AP3B2: variants seen among roughly 807,000 people sequenced by gnomAD.
AP3B2 encodes adaptor related protein complex 3 subunit beta 2.
AP3B2 carries 50 observed loss-of-function variants against 126.9 expected under a neutral mutation model. That is an observed-to-expected ratio of 0.39 (90% CI 0.31 to 0.50). The LOEUF (loss-of-function observed/expected upper bound fraction) is 0.50. Ranked by LOEUF, AP3B2 falls within the 20% of genes least tolerant of loss-of-function variation. The pLI, the probability that AP3B2 is intolerant of heterozygous loss-of-function variation, is 0.79. For missense variants in AP3B2, 1,177 were observed against 1,426.4 expected (o/e 0.83, Z 2.82); for synonymous variants, 541 against 565.0 (o/e 0.96, Z 0.60).
intron 14 of AP3B2, among the ~76,000 whole-genome samples, chr15:82,671,101 A>T (rs6422424): frequency 6.6e-6 from 1 of 151,922 alleles, no homozygotes; most frequent in Non-Finnish European, 1.5e-5. Context: ...TGACCAACAC[A>T]GCGAAACCCC....
At position 82,692,622 on chromosome 15, in the gene AP3B2, G is replaced by C. The variant is rs1311667088; in HGVS notation, c.114-3169C>G. The C allele has an allele frequency of 2.5e-5, 4 of 160,856 alleles. No individual in the cohort carries two copies. The Admixed American group carries it at 2.6e-4, about 10-fold the overall frequency. The allele number at this position is 160,856 out of a possible 1,614,324, so 10.0% of individuals were successfully genotyped here. A position where few individuals can be genotyped will look rare whatever the true frequency, so the allele number is the denominator to read the frequency against. ...GGAAAAGAGGTAGATGCCAAAACAA[G>C]AGCAGGGTGCCCTTGCCCTGCCTCC... On this transcript the variant is annotated intron_variant, in intron 1 of 26. Transcript: ENST00000535359.
intron 4 of AP3B2, among the ~76,000 whole-genome samples, chr15:82,682,708 G>A (rs1361659120): frequency 6.7e-6 from 1 of 149,644 alleles, no homozygotes; most frequent in African/African-American, 2.5e-5. Context: ...GCAACAGAGT[G>A]AGATCCTATC....
chr15:82,663,602 C>G lies in AP3B2; in HGVS notation c.2455G>C (p.Ala819Pro). 1 of 1,613,900 alleles carries G rather than the reference C, an allele frequency of 6.2e-7. No homozygotes were observed. Among genetic ancestry groups the G allele is most frequent in the African/African-American group, 1.3e-5 (1 of 75,042 alleles). Residue 819 changes from alanine to proline, a missense_variant, in exon 21 of 27, where the codon GCT becomes CCT. By Grantham distance (27) the Ala-to-Pro change is conservative. Around this residue, in one of 5 missense-constraint regions of AP3B2, gnomAD observed 587 missense variants for 571.3 expected, o/e 1.03. Transcript: ENST00000535359. ...AGGGAGATCTCCTTGGTTGCAGGAGCACTTTTGCTGCTGGGAGGCTGAAAG... is the reference window on the plus strand; with the variant it reads ...AGGGAGATCTCCTTGGTTGCAGGAGGACTTTTGCTGCTGGGAGGCTGAAAG... ...SRKTPPSSKS[A>P]PATKEISLLD... is the part of the protein sequence containing the mutation.
chr15:82,667,005 T>C (rs1385607593), intron 14 of AP3B2, 72 bp from the exon 15 acceptor site: 1 of 1,472,506 alleles, frequency 6.8e-7, no homozygotes, highest in Non-Finnish European at 9.3e-7. Flanking sequence ...ACAGATTCTT[T>C]AAGCCGACAC....
rs1367776753 is a variant in AP3B2 at position 82,665,353 on chromosome 15, G to T, written c.1972-50C>A. 6.3e-7 allele frequency: 1 copy of T among 1,578,862 alleles called. No individual in the cohort carries two copies. Among genetic ancestry groups the T allele is most frequent in the Admixed American group, 1.7e-5 (1 of 59,020 alleles). On this transcript the variant is annotated intron_variant, in intron 16 of 26. Transcript: ENST00000535359. This position sits in a 1 kb window ranked among gnomAD's most constrained non-coding sequence, Gnocchi z 4.4. ...GGAGGGCTGGGCCGGCACTGCCAGG[G>T]CTCCCTACTGTCTGCCCCCACCAAC...
intron 1 of AP3B2, among the ~76,000 whole-genome samples, chr15:82,700,397 CTT>C (rs1226910164): frequency 0.014 from 508 of 35,094 alleles, 76 homozygotes; most frequent in South Asian, 0.03. Context: ...TGGTGGGTGG[CTT>C]TTTTTTTTTT....
At chr15:82,689,517 G>C (rs2048488039) in intron 1 of AP3B2, 64 bp from the exon 2 acceptor site, 2 of 1,514,176 alleles carry the variant, frequency 1.3e-6, no homozygotes, top group Non-Finnish European at 1.8e-6. Flanking sequence ...TAATCAGGAG[G>C]GTCCAGGCAC....
chr15:82,700,396 G>GGTTTTTTTTTTTTT (rs1567275643), intron 1 of AP3B2, among the ~76,000 whole-genome samples: 1 of 11,268 alleles, frequency 8.9e-5, no homozygotes, highest in African/African-American at 3.2e-4. Flanking sequence ...GTGGTGGGTG[G>GGTTTTTTTTTTTTT]CTTTTTTTTT....
At chr15:82,694,649 C>A (rs2048604585) in intron 1 of AP3B2, among the ~76,000 whole-genome samples, 1 of 151,254 alleles carries the variant, frequency 6.6e-6, no homozygotes, top group Non-Finnish European at 1.5e-5. Flanking sequence ...TGTGCTACTG[C>A]ACTCCAGCCT....
chr15:82,698,980 C>G (rs17841169), intron 1 of AP3B2, among the ~76,000 whole-genome samples: 1 of 152,076 alleles, frequency 6.6e-6, no homozygotes, highest in Non-Finnish European at 1.5e-5. Context: ...GAGGTGAGAC[C>G]GCCCTGGGCC....
intron 14 of AP3B2, among the ~76,000 whole-genome samples, chr15:82,673,671 G>A (rs1009559981): frequency 6.6e-6 from 1 of 152,168 alleles, no homozygotes; most frequent in Admixed American, 6.5e-5. Flanking sequence ...AAAAAATAAG[G>A]AAATATATAA....
Position 82,681,409 on chromosome 15 carries a change from C to T in AP3B2, c.521+11G>A. Reference sequence around the variant, plus strand: ...GCCTCCTGGGGAGCGTGGGACAGGGCTGGGGCATACCTGTAGAGTTTAGGG... The same window carrying T: ...GCCTCCTGGGGAGCGTGGGACAGGGTTGGGGCATACCTGTAGAGTTTAGGG... On this transcript the variant is annotated intron_variant, in intron 5 of 26. Coordinates refer to ENST00000535359, the MANE Select transcript of AP3B2 (RefSeq NM_001278512.2). This position sits in a 1 kb window ranked among gnomAD's most constrained non-coding sequence, Gnocchi z 4.0. 1 of 1,613,172 alleles carries T rather than the reference C, an allele frequency of 6.2e-7. No individual in the cohort carries two copies. The highest frequency in any genetic ancestry group is 1.1e-5 in the South Asian group (1 of 90,942).
In AP3B2 at chr15:82,680,134, G is replaced by C; in HGVS notation, c.1110+41C>G. 1.2e-6 allele frequency: 2 copies of C among 1,611,184 alleles called. No homozygotes were observed. The highest frequency in any genetic ancestry group is 1.7e-6 in the Non-Finnish European group (2 of 1,179,216). On this transcript the variant is annotated intron_variant, in intron 9 of 26. Transcript: ENST00000535359. This position sits in a 1 kb window ranked among gnomAD's most constrained non-coding sequence, Gnocchi z 6.1. ...CAACGCCTCCAGTGCCCGCAGAAGC[G>C]GCCCTCGGACAGCGAGGACAGCCCG...
rs561251270 is a variant in AP3B2, at chr15:82,676,639, TGTG to T, written c.1489-5_1489-3del. On this transcript the variant is annotated splice_polypyrimidine_tract_variant and splice_region_variant and intron_variant, in intron 13 of 26. Transcript: ENST00000535359. ...GATGCTGGCTCGGGCCATGGGCACC[TGTG>T]GTTGTGGGAGAGGAGTGAAGATGGG... The T allele has an allele frequency of 1.4e-4, 218 of 1,613,462 alleles. 2 individuals are homozygous for T. The East Asian group carries it at 4.6e-3, about 34-fold the overall frequency.
chr15:82,670,941 A>T lies in AP3B2; in HGVS notation c.1666-4008T>A, dbSNP rs189885585. 1.2e-3 allele frequency among the ~76,000 whole-genome samples: 178 copies of T among 152,378 alleles called. 1 individual carries two copies. Among genetic ancestry groups the T allele is most frequent in the Middle Eastern group, 6.8e-3 (2 of 294 alleles). On this transcript the variant is annotated intron_variant, in intron 14 of 26. Transcript: ENST00000535359. ...AGACATACAGATAGCAAACACGTAT[A>T]TGAAAAGGTGATCAACATCATTGAG...
intron 1 of AP3B2, among the ~76,000 whole-genome samples, chr15:82,690,814 G>A (rs1051962022): frequency 2.0e-5 from 3 of 151,610 alleles, no homozygotes; most frequent in East Asian, 1.9e-4. Context: ...CCACCACCAC[G>A]CCCAGCTAAT....
In AP3B2 at chr15:82,665,447, C is replaced by A; in HGVS notation, c.1971+10G>T. On this transcript the variant is annotated intron_variant, in intron 16 of 26. Coordinates refer to ENST00000535359, the MANE Select transcript of AP3B2 (RefSeq NM_001278512.2). The surrounding 1 kb of genome is among the most constrained non-coding windows in gnomAD (Gnocchi z 4.4). ...CACACACACACACTTCAACCCTCCA[C>A]CCCGCTGACCTCCACGTTGCGCACA... 2 of 1,598,464 alleles carry A rather than the reference C, an allele frequency of 1.3e-6. No individual in the cohort carries two copies. The highest frequency in any genetic ancestry group is 2.2e-5 in the South Asian group (2 of 90,534).
chr15:82,680,445 G>T lies in AP3B2; in HGVS notation c.1055+27C>A. The T allele has an allele frequency of 2.1e-6, 3 of 1,454,990 alleles. No individual in the cohort carries two copies. The highest frequency in any genetic ancestry group is 1.8e-6 in the Non-Finnish European group (2 of 1,106,860). 90.1% of individuals were successfully genotyped at this position (1,454,990 alleles called of 1,614,324 possible). On this transcript the variant is annotated intron_variant, in intron 8 of 26. Transcript: ENST00000535359. This position sits in a 1 kb window ranked among gnomAD's most constrained non-coding sequence, Gnocchi z 6.1. ...GTGGGGCGGGGCAGGAGGCGAGGGA[G>T]GGGGCGGGGCTGGGGGCGGAGCGCA...
chr15:82,677,854 G>C, intron 11 of AP3B2, 51 bp from the exon 12 acceptor site: 1 of 1,535,748 alleles, frequency 6.5e-7, no homozygotes. Context: ...GCTTGAGGGT[G>C]ACCTTCAAGA....
Sources: gnomAD v4.1 joint callset for allele counts (sites outside exome capture counted in the v4.1 genomes callset) on GRCh38, gnomAD v4.1.1 for gene constraint, gnomAD v4.1.1 regional missense constraint, Gnocchi (gnomAD v3.1) non-coding constraint, MANE v1.5 for transcripts, NCBI Gene and HGNC (gene_info 2026-07-23, HGNC 2026-07-21) for gene names.